The following WDR1 variants were observed in gnomAD, a reference collection of about 807,000 sequenced individuals.
The protein encoded by WDR1 is WD repeat domain 1, also known as WD repeat-containing protein 1.
A neutral mutation model predicts 71.9 loss-of-function variants in WDR1; 21 were observed. The ratio of observed to expected loss-of-function variants is 0.29; its 90% confidence interval spans 0.21 to 0.42. The LOEUF is 0.42. Ranked by LOEUF, WDR1 falls within the 10% of genes least tolerant of loss-of-function variation. The probability of loss-of-function intolerance (pLI) is 1.00; values close to 1 mark genes in which losing one functional copy is unlikely to be tolerated. For missense variants in WDR1, 696 were observed against 824.5 expected, an observed-to-expected ratio of 0.84 and a Z score of 1.91; for synonymous variants, 424 against 347.4, an observed-to-expected ratio of 1.22 and a Z score of -2.45.
chr4:10,088,495 A>T, intron 6 of WDR1, 122 bp from the exon 7 acceptor site: 1 of 1,183,108 alleles, frequency 8.5e-7, no homozygotes. Flanking sequence ...AGTGTGGTTT[A>T]AAAGCAGACA....
chr4:10,089,024 TG>T (rs1280173272), intron 5 of WDR1, among the ~76,000 whole-genome samples: 4 of 151,722 alleles, frequency 2.6e-5, no homozygotes, highest in African/African-American at 9.7e-5. Flanking sequence ...CCCAGTGAGG[TG>T]CCCCCAGCAG....
At chr4:10,115,997 G>A in intron 2 of WDR1, 116 bp downstream of exon 2, 3 of 1,399,044 alleles carry the variant, frequency 2.1e-6, no homozygotes, top group Non-Finnish European at 2.9e-6. Context: ...AGGGGGCGTG[G>A]CGCCCTCACC....
At position 10,086,314 on chromosome 4, in the gene WDR1, G is replaced by A. The variant is rs573364734; in HGVS notation, c.951+1393C>T. 1.4e-4 allele frequency among the ~76,000 whole-genome samples: 21 copies of A among 152,244 alleles called. No individual in the cohort carries two copies. The South Asian group carries it at 3.9e-3, about 29-fold the overall frequency. On this transcript the variant is annotated intron_variant, in intron 8 of 14. Coordinates refer to ENST00000499869, the MANE Select transcript of WDR1 (RefSeq NM_017491.5). ...GTGAGCCCAGCAAGGAGGCGCTCCC[G>A]ATTCCCCTCTATCCTCGAGGCCACG...
chr4:10,077,169 C>G, intron 14 of WDR1, 135 bp downstream of exon 14: 1 of 1,247,338 alleles, frequency 8.0e-7, no homozygotes, highest in Non-Finnish European at 1.1e-6. Flanking sequence ...AGACCCACAA[C>G]TCTTCCGGGC....
intron 2 of WDR1, 59 bp downstream of exon 2, chr4:10,116,054 A>G: frequency 3.2e-6 from 5 of 1,580,834 alleles, no homozygotes; most frequent in Non-Finnish European, 3.5e-6. Flanking sequence ...AGGAAGGCGA[A>G]TTATCCCATC....
intron 14 of WDR1, 25 bp downstream of exon 14, chr4:10,077,279 G>A: frequency 6.2e-7 from 1 of 1,613,194 alleles, no homozygotes; most frequent in African/African-American, 1.3e-5. Flanking sequence ...GGTGGTCCCT[G>A]CCAAGGCCTG....
In WDR1 at chr4:10,077,014, C is replaced by A. The variant is rs746607912; in HGVS notation, c.1714+290G>T. ...GTCTTAGGGAGGGGGAGACCCTGGTCCCAGGTGGGATTTAAGGGGTGAGTG... is the reference window on the plus strand; with the variant it reads ...GTCTTAGGGAGGGGGAGACCCTGGTACCAGGTGGGATTTAAGGGGTGAGTG... On this transcript the variant is annotated intron_variant, in intron 14 of 14. Coordinates refer to ENST00000499869, the MANE Select transcript of WDR1 (RefSeq NM_017491.5). The A allele has an allele frequency of 5.7e-4, 227 of 400,310 alleles. 1 individual carries two copies. The highest frequency in any genetic ancestry group is 2.7e-3 in the Middle Eastern group (4 of 1,466). 24.8% of individuals were successfully genotyped at this position (400,310 alleles called of 1,614,324 possible). A position where few individuals can be genotyped will look rare whatever the true frequency, so the allele number is the denominator to read the frequency against.
At chr4:10,083,325 TC>T in intron 9 of WDR1, 147 bp from the exon 10 acceptor site, 2 of 1,033,234 alleles carry the variant, frequency 1.9e-6, no homozygotes, top group Non-Finnish European at 2.8e-6. Context: ...GCCTGCAGTG[TC>T]CACTGTTGAC....
chr4:10,113,934 T>C (rs1258739298), intron 2 of WDR1, among the ~76,000 whole-genome samples: 1 of 152,196 alleles, frequency 6.6e-6, no homozygotes, highest in Non-Finnish European at 1.5e-5. Flanking sequence ...CAATGAGACA[T>C]GTTAGATCTT....
chr4:10,086,803 G>C (rs1711603181), intron 8 of WDR1, among the ~76,000 whole-genome samples: 1 of 152,206 alleles, frequency 6.6e-6, no homozygotes, highest in Admixed American at 6.5e-5. Context: ...TTACAGCTTA[G>C]AATAGCAGGA....
At chr4:10,105,607 G>C (rs1291147259) in intron 2 of WDR1, among the ~76,000 whole-genome samples, 2 of 152,120 alleles carry the variant, frequency 1.3e-5, no homozygotes, top group Non-Finnish European at 2.9e-5. Flanking sequence ...AAAAAGAAAA[G>C]ACTGACATCA....
At chr4:10,087,400 T>C (rs1711655476) in intron 8 of WDR1, among the ~76,000 whole-genome samples, 1 of 152,262 alleles carries the variant, frequency 6.6e-6, no homozygotes, top group African/African-American at 2.4e-5. Flanking sequence ...GGCAGAGCCC[T>C]GCAGGAAGTA....
At chr4:10,096,160 C>G (rs1040197180) in intron 5 of WDR1, 1 of 152,284 alleles carries the variant, frequency 6.6e-6, no homozygotes, top group African/African-American at 2.4e-5. Context: ...CTGCTGAGCA[C>G]CCTGTGCTGG....
chr4:10,102,159 G>A (rs778895232), intron 3 of WDR1, among the ~76,000 whole-genome samples: 8 of 152,346 alleles, frequency 5.3e-5, no homozygotes, highest in Middle Eastern at 3.4e-3. Context: ...TCACCCAGGG[G>A]TAAGTACCCA....
intron 14 of WDR1, chr4:10,075,689 CTCT>C: frequency 1.7e-6 from 1 of 597,038 alleles, no homozygotes; most frequent in South Asian, 2.0e-5. Flanking sequence ...GGCCGGGTAC[CTCT>C]TTTTTGTGTG....
At chr4:10,075,573 T>C in intron 14 of WDR1, 89 bp from the exon 15 acceptor site, 1 of 1,218,696 alleles carries the variant, frequency 8.2e-7, no homozygotes, top group Non-Finnish European at 1.2e-6. Flanking sequence ...AACCTGTGCC[T>C]AAATCATCTC....
chr4:10,081,463 G>A lies in WDR1; in HGVS notation c.1197-19C>T, dbSNP rs750044294. On this transcript the variant is annotated intron_variant, in intron 10 of 14. Coordinates refer to ENST00000499869, the MANE Select transcript of WDR1 (RefSeq NM_017491.5). ...TTGTCCGCTGTTAGAGAGAAAGGAA[G>A]CACATTACTTCGACAATGCAGCAGC... The A allele has an allele frequency of 3.0e-5, 48 of 1,611,022 alleles. No homozygotes were observed. Among genetic ancestry groups the A allele is most frequent in the Non-Finnish European group, 1.5e-5 (18 of 1,177,402 alleles).
At chr4:10,101,117 C>G (rs1164476384) in intron 3 of WDR1, among the ~76,000 whole-genome samples, 2 of 152,260 alleles carry the variant, frequency 1.3e-5, no homozygotes, top group African/African-American at 4.8e-5. Context: ...ACGGCCCCAG[C>G]GCCAAGGCAG....
chr4:10,116,789 G>T lies in WDR1; in HGVS notation c.-123C>A, dbSNP rs1313422224. 2.6e-6 allele frequency: 3 copies of T among 1,162,702 alleles called. No homozygotes were observed. Among genetic ancestry groups the T allele is most frequent in the African/African-American group, 3.2e-5 (2 of 61,816 alleles). 72.0% of individuals were successfully genotyped at this position (1,162,702 alleles called of 1,614,324 possible). On this transcript the variant is annotated 5_prime_UTR_variant, in exon 1 of 15. Coordinates refer to ENST00000499869, the MANE Select transcript of WDR1 (RefSeq NM_017491.5). ...GCCGGAAGGCGGCACCGGGCGTGCC[G>T]GGAGTGGAGTGGGCGGTCCGAGGCC...
Sources: allele counts gnomAD v4.1 joint callset (sites outside exome capture counted in the v4.1 genomes callset), GRCh38; gene constraint gnomAD v4.1.1; transcripts MANE v1.5; gene names NCBI Gene and HGNC (gene_info 2026-07-23, HGNC 2026-07-21).